MROH2B: variants seen among roughly 807,000 people sequenced by gnomAD.
The protein encoded by MROH2B is maestro heat-like repeat-containing protein family member 2B.
In MROH2B, 177 loss-of-function variants were observed where a neutral mutation model predicts 208.6. That is an observed-to-expected ratio of 0.85 (90% CI 0.75 to 0.96). The LOEUF (loss-of-function observed/expected upper bound fraction) is 0.96. Among genes scored for constraint, MROH2B ranks in the 40% least tolerant of loss-of-function variants. MROH2B has a pLI of 0.00. For synonymous variants in MROH2B, 728 were observed against 659.0 expected (o/e 1.10, Z -1.60); for missense variants, 2,002 against 1,878.7 (o/e 1.07, Z -1.21).
chr5:41,006,638 T>C (rs191961776), intron 34 of MROH2B, among the ~76,000 whole-genome samples: 34 of 152,342 alleles, frequency 2.2e-4, no homozygotes, highest in African/African-American at 7.9e-4. Context: ...ATATATACCA[T>C]GGAATACTAC....
intron 22 of MROH2B, 66 bp downstream of exon 22, chr5:41,033,771 CA>C: frequency 1.6e-6 from 2 of 1,239,362 alleles, no homozygotes; most frequent in South Asian, 1.3e-5. Context: ...TGGCACACTT[CA>C]GGGGGGCATT....
chr5:41,033,903 T>C (rs1473508955), intron 21 of MROH2B, 39 bp from the exon 22 acceptor site: 4 of 1,547,672 alleles, frequency 2.6e-6, no homozygotes, highest in Non-Finnish European at 3.5e-6. Context: ...ACTCAATGAG[T>C]GGCATTGAGA....
In MROH2B at chr5:41,004,891, A is replaced by G. The variant is rs370173276; in HGVS notation, c.3894T>C (p.His1298=). The G allele has an allele frequency of 1.3e-4, 206 of 1,613,842 alleles. 2 individuals are homozygous for G. The highest frequency in any genetic ancestry group is 1.2e-3 in the Middle Eastern group (7 of 6,078). Residue 1298 remains histidine, a synonymous_variant, in exon 36 of 42, where the codon CAT becomes CAC. Transcript: ENST00000399564. ...ELMKEPILWK[H]GNLRNVLILM... ...AGATCAGCACATTTCGCAGATTCCC[A>G]TGCTTCCAAAGGATTGGTTCCTTCA...
At chr5:41,015,176 C>T (rs777816476) in intron 29 of MROH2B, among the ~76,000 whole-genome samples, 2 of 152,232 alleles carry the variant, frequency 1.3e-5, no homozygotes, top group East Asian at 1.9e-4. Flanking sequence ...GGAAAGGACA[C>T]TTGGTCTACA....
In MROH2B at chr5:41,009,953, T is replaced by G. The variant is rs760861511; in HGVS notation, c.3262A>C (p.Asn1088His). ...ASFHMDTVVV[N>H]LLQKPLPFDR... ...AAAGGCAGAGGCTTCTGTAAAAGGTTGACAACAACTGTATCCATGTGAAAG... is the reference window on the plus strand; with the variant it reads ...AAAGGCAGAGGCTTCTGTAAAAGGTGGACAACAACTGTATCCATGTGAAAG... The change falls in exon 31 of 42, where the codon AAC becomes CAC. Residue 1088 changes from asparagine to histidine, a missense_variant. By Grantham distance (68) the Asn-to-His change is moderately conservative. Coordinates refer to ENST00000399564, the MANE Select transcript of MROH2B (RefSeq NM_173489.5). 5 of 1,613,662 alleles carry G rather than the reference T, an allele frequency of 3.1e-6. No homozygotes were observed. Among genetic ancestry groups the G allele is most frequent in the Admixed American group, 1.7e-5 (1 of 59,988 alleles).
chr5:41,056,944 C>T, intron 9 of MROH2B, 165 bp downstream of exon 9: 1 of 715,402 alleles, frequency 1.4e-6, no homozygotes, highest in Non-Finnish European at 2.4e-6. Context: ...CTCCTGGGAA[C>T]TTGTGGGGAG....
At chr5:41,016,738 C>T (rs944800173) in intron 28 of MROH2B, among the ~76,000 whole-genome samples, 2 of 151,894 alleles carry the variant, frequency 1.3e-5, no homozygotes, top group African/African-American at 4.8e-5. Context: ...GCTTCGGGCT[C>T]CCAAAGTGCT....
At chr5:41,004,995 C>A in intron 35 of MROH2B, 75 bp from the exon 36 acceptor site, 1 of 1,537,102 alleles carries the variant, frequency 6.5e-7, no homozygotes, top group Non-Finnish European at 8.8e-7. Flanking sequence ...AAAGACATCA[C>A]AAGTACAATT....
Position 41,004,484 on chromosome 5 carries a change from G to C in MROH2B, c.4056C>G (p.Gly1352=). The C allele has an allele frequency of 1.9e-6, 3 of 1,613,286 alleles. No individual in the cohort carries two copies. The highest frequency in any genetic ancestry group is 2.5e-6 in the Non-Finnish European group (3 of 1,179,744). ...KQLMLESIIR[G]LYHLARTEVV... ...CTTCAGTGCGAGCTAGGTGATACAG[G>C]CCTCTGATGATAGATTCTAGCATTA... The change falls in exon 37 of 42, where the codon GGC becomes GGG. Residue 1352 remains glycine (G), a synonymous_variant. Coordinates refer to ENST00000399564, the MANE Select transcript of MROH2B (RefSeq NM_173489.5).
rs1433374399 is a variant in MROH2B, at chr5:40,998,065, C to T, written c.4745G>A (p.Ser1582Asn). ...TTTCTTGATGGCTTACAGAGGAATG[C>T]TTGTCTCTTTACACCTTCTCAGGAG... ...QTLLRRCKET[S>N]IPL Residue 1582 changes from serine (S) to asparagine (N), a missense_variant, in exon 42 of 42, where the codon AGC becomes AAC. Physicochemically the swap from Ser to Asn is conservative, Grantham distance 46 (BLOSUM62 1). Coordinates refer to ENST00000399564, the MANE Select transcript of MROH2B (RefSeq NM_173489.5). 1.2e-6 allele frequency: 2 copies of T among 1,609,842 alleles called. No homozygotes were observed. The highest frequency in any genetic ancestry group is 1.1e-5 in the South Asian group (1 of 90,772).
chr5:41,069,688 T>C lies in MROH2B; in HGVS notation c.90+3A>G. 1 of 1,599,230 alleles carries C rather than the reference T, an allele frequency of 6.3e-7. No individual in the cohort carries two copies. Among genetic ancestry groups the C allele is most frequent in the Non-Finnish European group, 8.5e-7 (1 of 1,171,118 alleles). On this transcript the variant is annotated splice_donor_region_variant and intron_variant, in intron 2 of 41. Coordinates refer to ENST00000399564, the MANE Select transcript of MROH2B (RefSeq NM_173489.5). ...GAAAAAGATTTTTCTCTGTTTTCCC[T>C]ACCTTGTTAACAATATCTTCCTTGT...
chr5:41,027,955 G>A (rs761448927), intron 24 of MROH2B, among the ~76,000 whole-genome samples: 4 of 151,512 alleles, frequency 2.6e-5, no homozygotes, highest in Admixed American at 6.6e-5. Flanking sequence ...ACCAAACACC[G>A]CTTGTTCTCA....
chr5:41,061,833 T>C (rs1211105779), intron 5 of MROH2B, 109 bp from the exon 6 acceptor site: 2 of 1,213,976 alleles, frequency 1.6e-6, no homozygotes, highest in Non-Finnish European at 2.2e-6. Context: ...TAATGGTTTT[T>C]AGATGATCTT....
rs1741356645 is a variant in MROH2B at position 41,000,468 on chromosome 5, T to C, written c.4351-117A>G. Reference sequence around the variant, plus strand: ...CTAAAAGTCAGTGGTGTGAATGGCTTTATAGTCATTGCTGGCACCTTCCCA... The same window carrying C: ...CTAAAAGTCAGTGGTGTGAATGGCTCTATAGTCATTGCTGGCACCTTCCCA... On this transcript the variant is annotated intron_variant, in intron 38 of 41. Transcript: ENST00000399564. 3 of 1,387,494 alleles carry C rather than the reference T, an allele frequency of 2.2e-6. No individual in the cohort carries two copies. In the East Asian group the frequency reaches 7.4e-5, roughly 34 times the overall value. The allele number at this position is 1,387,494 out of a possible 1,614,324, so 85.9% of individuals were successfully genotyped here.
At position 41,044,213 on chromosome 5, in the gene MROH2B, G is replaced by A. The variant is rs562758616; in HGVS notation, c.1836+1533C>T. Among the ~76,000 whole-genome samples, 488 of 148,662 alleles carry A rather than the reference G, an allele frequency of 3.3e-3. 2 individuals are homozygous for A. Among genetic ancestry groups the A allele is most frequent in the Admixed American group, 5.6e-3 (83 of 14,788 alleles). ...TGCAGTGGTCCGAGATCGTGCCACC[G>A]CACTCCAGCCTGGGTGACAGAGCAA... On this transcript the variant is annotated intron_variant, in intron 18 of 41. Coordinates refer to ENST00000399564, the MANE Select transcript of MROH2B (RefSeq NM_173489.5).
chr5:41,051,091 CT>C lies in MROH2B; in HGVS notation c.1231-2del. 1 of 1,529,942 alleles carries C rather than the reference CT, an allele frequency of 6.5e-7. No individual in the cohort carries two copies. The highest frequency in any genetic ancestry group is 8.7e-7 in the Non-Finnish European group (1 of 1,147,362). 94.8% of individuals were successfully genotyped at this position (1,529,942 alleles called of 1,614,324 possible). ...GAAAGTTAGTTTTCACTGGTTTCTC[CT>C]TTAAGAAAGATCAAACAGGTGACTT... On this transcript the variant is annotated splice_acceptor_variant, in intron 12 of 41. Coordinates refer to ENST00000399564, the MANE Select transcript of MROH2B (RefSeq NM_173489.5). LOFTEE classifies it high-confidence loss of function.
At chr5:41,005,423 C>CCCT (rs1579901317) in intron 35 of MROH2B, 108 bp downstream of exon 35, 2 of 242,640 alleles carry the variant, frequency 8.2e-6, no homozygotes. Flanking sequence ...ACCCCCCCCC[C>CCCT]CCTTGAAGTC....
Position 41,005,237 on chromosome 5 carries a change from G to A in MROH2B, c.3864+294C>T, listed in dbSNP as rs1741539190. On this transcript the variant is annotated intron_variant, in intron 35 of 41. Transcript: ENST00000399564. ...GATTGGCTGGAATAGTCTTCAGGCC[G>A]GAATTTGAAGCGTCAGTGCTACAAT... 1.5e-5 allele frequency: 8 copies of A among 518,960 alleles called. 1 individual carries two copies. In the East Asian group the frequency reaches 2.1e-4, roughly 14 times the overall value. The allele number at this position is 518,960 out of a possible 1,614,324, so 32.1% of individuals were successfully genotyped here. A position where few individuals can be genotyped will look rare whatever the true frequency, so the allele number is the denominator to read the frequency against.
chr5:41,021,039 G>A (rs1172262944), intron 24 of MROH2B, among the ~76,000 whole-genome samples: 3 of 152,134 alleles, frequency 2.0e-5, no homozygotes, highest in Non-Finnish European at 4.4e-5. Flanking sequence ...TTATATGTAG[G>A]AGCTCTAATG....
Sources: gnomAD v4.1 joint callset for allele counts (sites outside exome capture counted in the v4.1 genomes callset) on GRCh38, gnomAD v4.1.1 for gene constraint, MANE v1.5 for transcripts, NCBI Gene and HGNC (gene_info 2026-07-23, HGNC 2026-07-21) for gene names.